SLC25A21: variants seen among roughly 807,000 people sequenced by gnomAD.
SLC25A21 encodes the protein mitochondrial 2-oxodicarboxylate carrier.
In SLC25A21, 47 loss-of-function variants were observed where a neutral mutation model predicts 43.8. The ratio of observed to expected loss-of-function variants is 1.07; its 90% CI spans 0.85 to 1.37. The LOEUF is 1.37. SLC25A21 is among the 40% of genes most tolerant of loss of function. The pLI is 0.00. For synonymous variants in SLC25A21, 131 were observed against 121.3 expected, an observed-to-expected ratio of 1.08 and a Z score of -0.52; for missense variants, 352 against 350.2, an observed-to-expected ratio of 1.00 and a Z score of -0.04.
intron 1 of SLC25A21, among the ~76,000 whole-genome samples, chr14:37,143,748 G>A (rs999257505): frequency 2.6e-5 from 4 of 152,198 alleles, no homozygotes; most frequent in South Asian, 4.1e-4. Context: ...CCAGCATCTG[G>A]GGCAATGGAG....
chr14:36,975,213 G>A (rs948235273), intron 1 of SLC25A21, among the ~76,000 whole-genome samples: 1 of 150,570 alleles, frequency 6.6e-6, no homozygotes, highest in African/African-American at 2.4e-5. Flanking sequence ...ACAGAAGGAA[G>A]ATGCCAGAGG....
At chr14:36,747,897 A>C (rs574678121) in intron 3 of SLC25A21, among the ~76,000 whole-genome samples, 1 of 152,342 alleles carries the variant, frequency 6.6e-6, no homozygotes, top group African/African-American at 2.4e-5. Flanking sequence ...TCACTAAATT[A>C]GTCTCCAAAG....
chr14:37,145,442 TACACACACACACAC>T (rs779746223), intron 1 of SLC25A21, among the ~76,000 whole-genome samples: 1 of 145,248 alleles, frequency 6.9e-6, no homozygotes, highest in Non-Finnish European at 1.5e-5. Context: ...AATACTAAAA[TACACACACACACAC>T]ACACACACAC....
chr14:36,793,286 G>A (rs1887555635), intron 3 of SLC25A21, among the ~76,000 whole-genome samples: 1 of 152,054 alleles, frequency 6.6e-6, no homozygotes, highest in Admixed American at 6.6e-5. Flanking sequence ...AAACAGAAAT[G>A]GGATGTTGGG....
intron 1 of SLC25A21, among the ~76,000 whole-genome samples, chr14:37,039,865 C>G (rs1230679197): frequency 6.6e-6 from 1 of 152,006 alleles, no homozygotes; most frequent in Non-Finnish European, 1.5e-5. Flanking sequence ...AGACTTGAGG[C>G]TAAGCTTGAG....
At chr14:37,004,046 C>G (rs567756219) in intron 1 of SLC25A21, among the ~76,000 whole-genome samples, 1 of 152,092 alleles carries the variant, frequency 6.6e-6, no homozygotes, top group African/African-American at 2.4e-5. Context: ...TCTTTCCCCC[C>G]ACCAGGCATC....
At chr14:36,994,629 T>C (rs943163852) in intron 1 of SLC25A21, among the ~76,000 whole-genome samples, 1 of 152,134 alleles carries the variant, frequency 6.6e-6, no homozygotes, top group Non-Finnish European at 1.5e-5. Flanking sequence ...GGTGAACCCA[T>C]CATTGACTAA....
At chr14:36,778,592 T>C (rs1265261084) in intron 3 of SLC25A21, among the ~76,000 whole-genome samples, 1 of 152,164 alleles carries the variant, frequency 6.6e-6, no homozygotes, top group African/African-American at 2.4e-5. Context: ...GCCTTGTCAT[T>C]ACCCCCATTT....
intron 7 of SLC25A21, among the ~76,000 whole-genome samples, chr14:36,706,093 G>A (rs1883548640): frequency 6.6e-6 from 1 of 152,092 alleles, no homozygotes; most frequent in African/African-American, 2.4e-5. Context: ...CAATGACTTT[G>A]TTCTAGGCCA....
chr14:36,912,440 A>G (rs1020605946), intron 1 of SLC25A21, among the ~76,000 whole-genome samples: 1 of 152,126 alleles, frequency 6.6e-6, no homozygotes, highest in African/African-American at 2.4e-5. Flanking sequence ...TTCTGCTACA[A>G]TTGGTGCTGC....
At chr14:36,817,950 T>G (rs544048941) in intron 2 of SLC25A21, among the ~76,000 whole-genome samples, 1 of 152,210 alleles carries the variant, frequency 6.6e-6, no homozygotes, top group African/African-American at 2.4e-5. Flanking sequence ...AGATAATATT[T>G]CCAATCTATT....
intron 3 of SLC25A21, among the ~76,000 whole-genome samples, chr14:36,738,737 T>C (rs1051275537): frequency 6.6e-6 from 1 of 152,234 alleles, no homozygotes; most frequent in Non-Finnish European, 1.5e-5. Context: ...CTCTAAGTTG[T>C]TACTTCTAAA....
At position 36,782,876 on chromosome 14, in the gene SLC25A21, G is replaced by A. The variant is rs966195814; in HGVS notation, c.203+31042C>T. ...TAGATGACGAGTTAGTGGGTGCAGC[G>A]CACCAGCATGGCACATGTATACATA... On this transcript the variant is annotated intron_variant, in intron 3 of 9. Transcript: ENST00000331299. Among the ~76,000 whole-genome samples, 6 of 149,372 alleles carry A rather than the reference G, an allele frequency of 4.0e-5. No homozygotes were observed. The East Asian group carries it at 9.9e-4, about 25-fold the overall frequency.
chr14:36,678,496 A>ATAGAC lies in SLC25A21; in HGVS notation c.*2157_*2161dup. ...CTGGAGTTCCCAGTCTGGTGAGAAA[A>ATAGAC]TAGACTATAAACTGAATGGAACAAA... is the stretch of plus-strand genomic sequence containing the variant. On this transcript the variant is annotated 3_prime_UTR_variant, in exon 10 of 10. Transcript: ENST00000331299. 6.5e-7 allele frequency: 1 copy of ATAGAC among 1,537,058 alleles called. No individual in the cohort carries two copies. Among genetic ancestry groups the ATAGAC allele is most frequent in the Middle Eastern group, 1.7e-4 (1 of 5,990 alleles).
At chr14:36,883,957 C>T (rs912539127) in intron 1 of SLC25A21, among the ~76,000 whole-genome samples, 1 of 152,128 alleles carries the variant, frequency 6.6e-6, no homozygotes, top group Admixed American at 6.5e-5. Flanking sequence ...ATATCCATCA[C>T]TTCATATACT....
At chr14:36,918,087 C>T (rs1004381545) in intron 1 of SLC25A21, among the ~76,000 whole-genome samples, 1 of 152,122 alleles carries the variant, frequency 6.6e-6, no homozygotes, top group Admixed American at 6.6e-5. Flanking sequence ...TGTGACTCTG[C>T]GATGCAGATG....
chr14:36,956,949 T>C (rs2138668961), intron 1 of SLC25A21, among the ~76,000 whole-genome samples: 1 of 152,316 alleles, frequency 6.6e-6, no homozygotes, highest in African/African-American at 2.4e-5. Context: ...AATTCATCTA[T>C]CTATATGCAC....
chr14:37,135,280 C>T (rs1242592797), intron 1 of SLC25A21, among the ~76,000 whole-genome samples: 1 of 151,946 alleles, frequency 6.6e-6, no homozygotes, highest in East Asian at 1.9e-4. Flanking sequence ...TCACCTGTAG[C>T]CCAGCCACTC....
chr14:36,813,133 GT>G (rs548014138), intron 3 of SLC25A21, among the ~76,000 whole-genome samples: 136 of 152,076 alleles, frequency 8.9e-4, no homozygotes, highest in African/African-American at 3.1e-3. Flanking sequence ...GTGCAGGTTT[GT>G]TACACATGCC....
Sources: allele counts gnomAD v4.1 joint callset (sites outside exome capture counted in the v4.1 genomes callset), GRCh38; gene constraint gnomAD v4.1.1; transcripts MANE v1.5; gene names NCBI Gene and HGNC (gene_info 2026-07-23, HGNC 2026-07-21).